DCC: variants seen among roughly 807,000 people sequenced by gnomAD.
The protein encoded by DCC is netrin receptor DCC.
A neutral mutation model predicts 172.5 loss-of-function variants in DCC; 58 were observed. The observed-to-expected ratio is 0.34, with a 90% CI of 0.27 to 0.42. DCC has a LOEUF of 0.42. Among genes scored for constraint, DCC ranks in the 10% least tolerant of loss-of-function variants. The pLI, the probability that DCC is intolerant of heterozygous loss-of-function variation, is 1.00. For missense variants in DCC, 1,740 were observed against 1,791.0 expected (o/e 0.97, Z 0.51); for synonymous variants, 709 against 644.5 (o/e 1.10, Z -1.52).
intron 22 of DCC, among the ~76,000 whole-genome samples, chr18:53,436,682 T>C (rs1911962545): frequency 6.6e-6 from 1 of 152,182 alleles, no homozygotes; most frequent in African/African-American, 2.4e-5. Flanking sequence ...GGCAATACCT[T>C]CCTCTGTTAT....
chr18:53,215,441 C>A, intron 11 of DCC, 107 bp from the exon 12 acceptor site: 1 of 927,144 alleles, frequency 1.1e-6, no homozygotes, highest in Non-Finnish European at 1.8e-6. Context: ...ACCTAATTAT[C>A]ATTATAAACT....
intron 1 of DCC, among the ~76,000 whole-genome samples, chr18:52,693,484 A>G (rs568834442): frequency 6.7e-6 from 1 of 148,654 alleles, no homozygotes; most frequent in African/African-American, 2.4e-5. Context: ...ATAATATAAT[A>G]TAATATAACA....
At chr18:52,380,864 A>G (rs936984422) in intron 1 of DCC, among the ~76,000 whole-genome samples, 14 of 152,152 alleles carry the variant, frequency 9.2e-5, no homozygotes, top group Non-Finnish European at 2.1e-4. Flanking sequence ...ACTCTGCAGC[A>G]GAAGAGAAAT....
intron 5 of DCC, among the ~76,000 whole-genome samples, chr18:52,963,313 A>C (rs1309982609): frequency 1.3e-5 from 2 of 151,792 alleles, no homozygotes; most frequent in Non-Finnish European, 2.9e-5. Context: ...GTGGAAAAAA[A>C]AAGGCCCGGT....
chr18:53,083,854 G>A (rs976967969), intron 7 of DCC, among the ~76,000 whole-genome samples: 6 of 152,256 alleles, frequency 3.9e-5, no homozygotes, highest in African/African-American at 1.4e-4. Context: ...GCCTTCTTTT[G>A]TAGCAGAGAC....
At chr18:52,510,860 C>A (rs904775674) in intron 1 of DCC, among the ~76,000 whole-genome samples, 1 of 151,990 alleles carries the variant, frequency 6.6e-6, no homozygotes, top group Non-Finnish European at 1.5e-5. Flanking sequence ...GAACTCAGCT[C>A]CTCTCTTAAA....
chr18:52,756,398 C>T (rs2145139772), intron 2 of DCC, among the ~76,000 whole-genome samples: 1 of 152,260 alleles, frequency 6.6e-6, no homozygotes, highest in East Asian at 1.9e-4. Flanking sequence ...CTGTTGCCAT[C>T]CTCCTCTCTA....
intron 5 of DCC, among the ~76,000 whole-genome samples, chr18:53,019,662 T>C (rs937804891): frequency 1.3e-5 from 2 of 152,188 alleles, no homozygotes; most frequent in African/African-American, 2.4e-5. Flanking sequence ...TATTCCAGTT[T>C]ATCTGATTTT....
chr18:52,825,929 AG>A (rs544358434), intron 2 of DCC, among the ~76,000 whole-genome samples: 9 of 152,154 alleles, frequency 5.9e-5, no homozygotes, highest in Non-Finnish European at 1.2e-4. Context: ...TTTTCTCCTG[AG>A]GGGGGGAAAA....
At chr18:53,213,794 T>C (rs1451932545) in intron 11 of DCC, among the ~76,000 whole-genome samples, 2 of 151,548 alleles carry the variant, frequency 1.3e-5, no homozygotes, top group Non-Finnish European at 2.9e-5. Flanking sequence ...ATTCTACAAA[T>C]AGTACTTCAA....
chr18:53,267,161 GAGAGACAGAGAC>G (rs1346070396), intron 12 of DCC, among the ~76,000 whole-genome samples: 1 of 151,738 alleles, frequency 6.6e-6, no homozygotes, highest in African/African-American at 2.4e-5. Context: ...GAGAGAGAGA[GAGAGACAGAGAC>G]AGAGAGACAG....
At chr18:52,659,859 CGAG>C (rs2035323843) in intron 1 of DCC, among the ~76,000 whole-genome samples, 1 of 151,742 alleles carries the variant, frequency 6.6e-6, no homozygotes. Context: ...CAGGAGCAGA[CGAG>C]GGAATGCTGA....
intron 15 of DCC, among the ~76,000 whole-genome samples, chr18:53,342,375 G>A (rs1003057467): frequency 1.3e-5 from 2 of 151,858 alleles, no homozygotes; most frequent in Non-Finnish European, 2.9e-5. Context: ...GAGCCCTAGT[G>A]CCAGACTTGA....
chr18:53,129,590 CT>C lies in DCC; in HGVS notation c.1262-27759del, dbSNP rs1053198851. On this transcript the variant is annotated intron_variant, in intron 7 of 28. Coordinates refer to ENST00000442544, the MANE Select transcript of DCC (RefSeq NM_005215.4). ...TAAATGGGAATGAACATTATTTCCT[CT>C]TTTTTTCTGGCTTTTTTCTTTACAC... 7.7e-4 allele frequency among the ~76,000 whole-genome samples: 117 copies of C among 152,138 alleles called. 7 individuals carry two copies. Among genetic ancestry groups the C allele is most frequent in the Admixed American group, 6.6e-5 (1 of 15,266 alleles).
intron 12 of DCC, among the ~76,000 whole-genome samples, chr18:53,220,386 T>C (rs910427180): frequency 6.6e-6 from 1 of 152,124 alleles, no homozygotes; most frequent in Non-Finnish European, 1.5e-5. Flanking sequence ...CTCTCCTGTA[T>C]GTTGTATGGA....
chr18:52,814,583 T>C (rs1323275211), intron 2 of DCC, among the ~76,000 whole-genome samples: 1 of 152,152 alleles, frequency 6.6e-6, no homozygotes, highest in African/African-American at 2.4e-5. Context: ...AAAATAAAGA[T>C]TGCTAAATAA....
intron 2 of DCC, among the ~76,000 whole-genome samples, chr18:52,756,660 C>T (rs923245606): frequency 5.9e-5 from 9 of 152,212 alleles, no homozygotes; most frequent in African/African-American, 2.2e-4. Flanking sequence ...CCTTCCCTAA[C>T]CCTTACCGTG....
intron 1 of DCC, among the ~76,000 whole-genome samples, chr18:52,399,459 C>A (rs1986355669): frequency 6.6e-6 from 1 of 151,790 alleles, no homozygotes; most frequent in African/African-American, 2.4e-5. Flanking sequence ...GGAGACTGAT[C>A]ATCATGAAGC....
intron 2 of DCC, among the ~76,000 whole-genome samples, chr18:52,896,068 A>C (rs2039724569): frequency 6.6e-6 from 1 of 152,180 alleles, no homozygotes; most frequent in Non-Finnish European, 1.5e-5. Context: ...TACAGGTGTG[A>C]GCCACTGCAC....
Sources: allele counts gnomAD v4.1 joint callset (sites outside exome capture counted in the v4.1 genomes callset), GRCh38; gene constraint gnomAD v4.1.1; transcripts MANE v1.5; gene names NCBI Gene and HGNC (gene_info 2026-07-23, HGNC 2026-07-21).